RFX3: variants seen among roughly 807,000 people sequenced by gnomAD.
RFX3 encodes regulatory factor X3.
RFX3 carries 14 observed loss-of-function variants against 98.6 expected under a neutral mutation model. The ratio of observed to expected loss-of-function variants is 0.14; its 90% CI spans 0.09 to 0.22. RFX3 has a LOEUF of 0.22. RFX3 is among the 10% of genes least tolerant of loss of function. The pLI is 1.00. For synonymous variants in RFX3, 383 were observed against 328.4 expected (o/e 1.17, Z -1.80); for missense variants, 639 against 926.9 (o/e 0.69, Z 4.03).
At chr9:3,477,773 T>C (rs1156431551) in intron 1 of RFX3, among the ~76,000 whole-genome samples, 8 of 152,314 alleles carry the variant, frequency 5.3e-5, no homozygotes. Flanking sequence ...CTGGGAATCC[T>C]ATAATGTCCA....
chr9:3,418,673 C>T (rs1233745105), intron 1 of RFX3, among the ~76,000 whole-genome samples: 1 of 152,124 alleles, frequency 6.6e-6, no homozygotes, highest in Non-Finnish European at 1.5e-5. Context: ...AGCCTCTGTG[C>T]CCGGCCAAAT....
chr9:3,254,212 G>C (rs1821799402), intron 14 of RFX3, among the ~76,000 whole-genome samples: 1 of 151,318 alleles, frequency 6.6e-6, no homozygotes, highest in South Asian at 2.1e-4. Flanking sequence ...ACCTGCAACA[G>C]ATCTCTGTGG....
chr9:3,350,588 T>C (rs533797126), intron 2 of RFX3, among the ~76,000 whole-genome samples: 5 of 152,206 alleles, frequency 3.3e-5, no homozygotes, highest in African/African-American at 1.2e-4. Context: ...GTTGTAAACT[T>C]ACGTATACAC....
At position 3,500,233 on chromosome 9, in the gene RFX3, A is replaced by C. The variant is rs78032167; in HGVS notation, c.-9+25514T>G. On this transcript the variant is annotated intron_variant, in intron 1 of 16. Transcript: ENST00000617270. ...AAGCAAGAAGAGAATGGGTTCACTA[A>C]GGTGGTTTAGAACTGAAACAGCGCA... Among the ~76,000 whole-genome samples, 81 of 152,280 alleles carry C rather than the reference A, an allele frequency of 5.3e-4. 1 individual carries two copies. In the East Asian group the frequency reaches 0.015, roughly 28 times the overall value.
intron 2 of RFX3, among the ~76,000 whole-genome samples, chr9:3,373,532 C>T (rs149761681): frequency 2.0e-5 from 3 of 152,254 alleles, no homozygotes; most frequent in Non-Finnish European, 2.9e-5. Flanking sequence ...TTTCCCTGGG[C>T]CTCAGTTTCC....
At chr9:3,269,149 T>C (rs1008037478) in intron 11 of RFX3, among the ~76,000 whole-genome samples, 1 of 151,970 alleles carries the variant, frequency 6.6e-6, no homozygotes, top group Non-Finnish European at 1.5e-5. Flanking sequence ...ATTTACAAAA[T>C]TGTGAGATAA....
intron 2 of RFX3, among the ~76,000 whole-genome samples, chr9:3,369,974 GCC>G (rs1837634272): frequency 6.8e-6 from 1 of 147,998 alleles, no homozygotes; most frequent in Admixed American, 6.7e-5. Context: ...GACTACAGGC[GCC>G]CGCCACTACG....
chr9:3,321,006 G>A (rs1243861849), intron 4 of RFX3, among the ~76,000 whole-genome samples: 1 of 151,436 alleles, frequency 6.6e-6, no homozygotes, highest in Non-Finnish European at 1.5e-5. Flanking sequence ...GGTTCAAAGC[G>A]ATTCTCCTGC....
intron 16 of RFX3, among the ~76,000 whole-genome samples, chr9:3,226,469 G>A (rs1341794747): frequency 6.6e-6 from 1 of 152,176 alleles, no homozygotes; most frequent in African/African-American, 2.4e-5. Context: ...CCATGAGCAA[G>A]GTCTGAGAAA....
At chr9:3,514,030 T>C (rs756765907) in intron 1 of RFX3, among the ~76,000 whole-genome samples, 3 of 152,218 alleles carry the variant, frequency 2.0e-5, no homozygotes, top group Non-Finnish European at 4.4e-5. Flanking sequence ...ATTACAATTT[T>C]TGTCTTTAAC....
intron 3 of RFX3, among the ~76,000 whole-genome samples, chr9:3,333,069 T>C (rs926209378): frequency 1.3e-5 from 2 of 152,182 alleles, no homozygotes; most frequent in Non-Finnish European, 2.9e-5. Context: ...CTCCCATCAG[T>C]ACTCTCAACA....
chr9:3,330,829 T>A (rs1012150437), intron 3 of RFX3, among the ~76,000 whole-genome samples: 3 of 152,180 alleles, frequency 2.0e-5, no homozygotes, highest in Non-Finnish European at 4.4e-5. Context: ...ACAACTTCAA[T>A]TGCTTATAAA....
chr9:3,304,322 C>G lies in RFX3; in HGVS notation c.475-2702G>C, dbSNP rs553612951. On this transcript the variant is annotated intron_variant, in intron 4 of 16. Coordinates refer to ENST00000617270, the MANE Select transcript of RFX3 (RefSeq NM_001282116.2). ...GATTACATTTTTTAAAAAACAGTTTCTTTTCTTTTTTAAGTACATAGTAAC... is the reference window on the plus strand; with the variant it reads ...GATTACATTTTTTAAAAAACAGTTTGTTTTCTTTTTTAAGTACATAGTAAC... Among the ~76,000 whole-genome samples the G allele has an allele frequency of 1.8e-4, 28 of 151,988 alleles. No individual in the cohort carries two copies. The South Asian group carries it at 3.3e-3, about 18-fold the overall frequency.
At chr9:3,399,861 G>A (rs1416684228) in intron 1 of RFX3, among the ~76,000 whole-genome samples, 4 of 150,392 alleles carry the variant, frequency 2.7e-5, no homozygotes, top group African/African-American at 9.8e-5. Flanking sequence ...CAGCAGGAGA[G>A]TCACTTGAAC....
chr9:3,515,368 G>A (rs1339697516), intron 1 of RFX3, among the ~76,000 whole-genome samples: 1 of 152,086 alleles, frequency 6.6e-6, no homozygotes, highest in Non-Finnish European at 1.5e-5. Context: ...CAGAATGCCC[G>A]TCTTCACAAA....
chr9:3,272,416 T>C (rs1157707629), intron 9 of RFX3, among the ~76,000 whole-genome samples: 2 of 152,178 alleles, frequency 1.3e-5, no homozygotes, highest in Admixed American at 1.3e-4. Context: ...GCCCAATGTA[T>C]GATACACACA....
At chr9:3,357,703 C>T (rs1835941162) in intron 2 of RFX3, among the ~76,000 whole-genome samples, 1 of 151,758 alleles carries the variant, frequency 6.6e-6, no homozygotes, top group Non-Finnish European at 1.5e-5. Context: ...TTGTAGTTAA[C>T]AATAATTTAT....
Position 3,300,932 on chromosome 9 carries a change from CA to C in RFX3, c.549+613del, listed in dbSNP as rs1375149660. Reference sequence around the variant, plus strand: ...CTGATAACAGGAAACAGCTTCAGGGCATAGTAATGGTAGTTTTATCTCAATT... The same window carrying C: ...CTGATAACAGGAAACAGCTTCAGGGCTAGTAATGGTAGTTTTATCTCAATT... On this transcript the variant is annotated intron_variant, in intron 5 of 16. Transcript: ENST00000617270. 5.2e-3 allele frequency among the ~76,000 whole-genome samples: 797 copies of C among 151,906 alleles called. 8 individuals are homozygous for C. Among genetic ancestry groups the C allele is most frequent in the African/African-American group, 0.018 (759 of 41,490 alleles).
chr9:3,485,912 G>C (rs918121926), intron 1 of RFX3, among the ~76,000 whole-genome samples: 2 of 151,984 alleles, frequency 1.3e-5, no homozygotes, highest in African/African-American at 2.4e-5. Flanking sequence ...ATCACCTGAA[G>C]TCGGGAGTTC....
Sources: allele counts gnomAD v4.1 joint callset (sites outside exome capture counted in the v4.1 genomes callset), GRCh38; gene constraint gnomAD v4.1.1; transcripts MANE v1.5; gene names NCBI Gene and HGNC (gene_info 2026-07-23, HGNC 2026-07-21).